Variants in IMMP2L observed in about 807,000 individuals in gnomAD.
IMMP2L encodes mitochondrial inner membrane protease subunit 2.
Under a neutral mutation model 19.3 loss-of-function variants are expected in IMMP2L, and 18 were observed. The observed-to-expected ratio is 0.93, with a 90% CI of 0.64 to 1.38. The LOEUF (loss-of-function observed/expected upper bound fraction) is 1.38. Among genes scored for constraint, IMMP2L ranks in the 40% most tolerant of loss-of-function variants. The pLI, the probability that IMMP2L is intolerant of heterozygous loss-of-function variation, is 0.00. For missense variants in IMMP2L, 233 were observed against 218.2 expected (o/e 1.07, Z -0.43); for synonymous variants, 76 against 73.0 (o/e 1.04, Z -0.21).
intron 5 of IMMP2L, among the ~76,000 whole-genome samples, chr7:110,860,945 T>C (rs1299452374): frequency 6.6e-6 from 1 of 152,078 alleles, no homozygotes; most frequent in African/African-American, 2.4e-5. Flanking sequence ...AAAATGTATG[T>C]AATGAATCCA....
intron 3 of IMMP2L, among the ~76,000 whole-genome samples, chr7:111,128,818 C>G: frequency 6.6e-6 from 1 of 151,450 alleles, no homozygotes; most frequent in East Asian, 1.9e-4. Flanking sequence ...AGTGAGACTC[C>G]GTCTCAAAAA....
At chr7:111,453,225 T>C (rs565125675) in intron 3 of IMMP2L, among the ~76,000 whole-genome samples, 1 of 152,302 alleles carries the variant, frequency 6.6e-6, no homozygotes, top group African/African-American at 2.4e-5. Flanking sequence ...TTTTATGGCA[T>C]CCCACTGTAT....
intron 3 of IMMP2L, among the ~76,000 whole-genome samples, chr7:111,415,915 A>T (rs1055647200): frequency 2.6e-5 from 4 of 151,948 alleles, no homozygotes; most frequent in East Asian, 1.9e-4. Context: ...CAGAAAAAAA[A>T]TTTTGAAACC....
At chr7:111,089,819 A>C (rs1051066977) in intron 3 of IMMP2L, among the ~76,000 whole-genome samples, 1 of 152,220 alleles carries the variant, frequency 6.6e-6, no homozygotes, top group African/African-American at 2.4e-5. Context: ...AAAACTACAG[A>C]GTGAAAATAT....
intron 5 of IMMP2L, among the ~76,000 whole-genome samples, chr7:110,683,041 C>A (rs568107757): frequency 2.0e-5 from 3 of 151,996 alleles, no homozygotes; most frequent in South Asian, 2.1e-4. Context: ...TAGTGCACAA[C>A]AAAATACATC....
At position 111,422,544 on chromosome 7, in the gene IMMP2L, T is replaced by G. The variant is rs183619586; in HGVS notation, c.239+64694A>C. On this transcript the variant is annotated intron_variant, in intron 3 of 5. Coordinates refer to ENST00000405709, the MANE Select transcript of IMMP2L (RefSeq NM_032549.4). The stretch of plus-strand genomic sequence containing the variant: ...GTTTGTTAATGGGGTATAGAAATGC[T>G]TGTGATTTTTGCACATTGGTTTTGC... Among the ~76,000 whole-genome samples, 93 of 151,948 alleles carry G rather than the reference T, an allele frequency of 6.1e-4. 2 individuals carry two copies. The highest frequency in any genetic ancestry group is 2.1e-3 in the African/African-American group (87 of 41,256).
chr7:110,669,109 A>ATG (rs1491349084), intron 5 of IMMP2L, among the ~76,000 whole-genome samples: 8 of 147,712 alleles, frequency 5.4e-5, no homozygotes, highest in Admixed American at 5.4e-4. Context: ...ATATATATAT[A>ATG]GAGAGAGAGA....
At chr7:111,448,294 C>A (rs1028460257) in intron 3 of IMMP2L, among the ~76,000 whole-genome samples, 1 of 134,102 alleles carries the variant, frequency 7.5e-6, no homozygotes, top group Non-Finnish European at 1.6e-5. Flanking sequence ...CCAAAATTGA[C>A]CACATAGTTG....
intron 3 of IMMP2L, among the ~76,000 whole-genome samples, chr7:111,423,537 T>C (rs964827652): frequency 3.9e-5 from 6 of 151,918 alleles, no homozygotes; most frequent in Admixed American, 3.9e-4. Flanking sequence ...TGGTAGTTTG[T>C]ATTTCTGTGG....
chr7:111,302,633 G>A (rs1199593287), intron 3 of IMMP2L, among the ~76,000 whole-genome samples: 2 of 151,816 alleles, frequency 1.3e-5, no homozygotes, highest in East Asian at 3.9e-4. Context: ...CCAAATCAAG[G>A]TTACACATCT....
intron 5 of IMMP2L, among the ~76,000 whole-genome samples, chr7:110,847,245 A>G (rs1805755875): frequency 6.6e-6 from 1 of 152,206 alleles, no homozygotes; most frequent in African/African-American, 2.4e-5. Context: ...ACCATAATAC[A>G]TTGAAAAGGT....
chr7:111,322,865 A>T (rs2130525035), intron 3 of IMMP2L, among the ~76,000 whole-genome samples: 1 of 151,992 alleles, frequency 6.6e-6, no homozygotes, highest in South Asian at 2.1e-4. Context: ...TGAGGAATGC[A>T]TCTATATTTT....
intron 3 of IMMP2L, among the ~76,000 whole-genome samples, chr7:111,122,013 G>A (rs969660411): frequency 2.0e-5 from 3 of 150,436 alleles, no homozygotes; most frequent in Non-Finnish European, 4.4e-5. Context: ...CTCACTCATA[G>A]TTGGGAACTG....
At chr7:111,560,059 C>T (rs561498614) in intron 1 of IMMP2L, among the ~76,000 whole-genome samples, 24 of 152,004 alleles carry the variant, frequency 1.6e-4, no homozygotes, top group African/African-American at 4.6e-4. Context: ...ATATATAATA[C>T]GCAGTTAAGA....
chr7:111,070,458 T>G (rs992663116), intron 3 of IMMP2L, among the ~76,000 whole-genome samples: 2 of 149,486 alleles, frequency 1.3e-5, no homozygotes, highest in Admixed American at 1.3e-4. Context: ...AAAACTTATT[T>G]TTTTTTTGGT....
chr7:111,209,054 C>A (rs6959929), intron 3 of IMMP2L, among the ~76,000 whole-genome samples: 6,494 of 152,134 alleles, frequency 0.043, 201 homozygotes, highest in South Asian at 0.082. Context: ...TTAGAGAGCA[C>A]AATTTGTTTA....
intron 3 of IMMP2L, among the ~76,000 whole-genome samples, chr7:111,284,715 T>C (rs538293793): frequency 2.0e-5 from 3 of 152,210 alleles, no homozygotes; most frequent in Admixed American, 6.5e-5. Flanking sequence ...AGTGTTGCCA[T>C]AGAGGAAAGA....
At chr7:111,504,974 G>C in intron 2 of IMMP2L, among the ~76,000 whole-genome samples, 1 of 152,008 alleles carries the variant, frequency 6.6e-6, no homozygotes, top group Non-Finnish European at 1.5e-5. Flanking sequence ...TGACAAATGG[G>C]ATCTAATTAA....
chr7:111,191,081 A>C (rs1808814004), intron 3 of IMMP2L, among the ~76,000 whole-genome samples: 1 of 152,160 alleles, frequency 6.6e-6, no homozygotes, highest in South Asian at 2.1e-4. Context: ...GAGAAGCAAC[A>C]AAAGCATACT....
Sources: gnomAD v4.1 joint callset for allele counts (sites outside exome capture counted in the v4.1 genomes callset) on GRCh38, gnomAD v4.1.1 for gene constraint, MANE v1.5 for transcripts, NCBI Gene and HGNC (gene_info 2026-07-23, HGNC 2026-07-21) for gene names.